Variants in RASAL2 observed in about 807,000 individuals in gnomAD.
RASAL2 encodes the protein RAS protein activator like 2, also known as ras GTPase-activating protein nGAP.
In RASAL2, 58 loss-of-function variants were observed where a neutral mutation model predicts 128.9. That is an observed-to-expected ratio of 0.45 (90% CI 0.36 to 0.56). The LOEUF (loss-of-function observed/expected upper bound fraction) is 0.56. Ranked by LOEUF, RASAL2 falls within the 20% of genes least tolerant of loss-of-function variation. The probability of loss-of-function intolerance (pLI) is 0.00; values close to 1 mark genes in which losing one functional copy is unlikely to be tolerated. For synonymous variants in RASAL2, 561 were observed against 580.8 expected (o/e 0.97, Z 0.49); for missense variants, 1,360 against 1,601.6 (o/e 0.85, Z 2.57).
intron 1 of RASAL2, among the ~76,000 whole-genome samples, chr1:178,221,954 C>T (rs1352922385): frequency 1.3e-5 from 2 of 152,142 alleles, no homozygotes; most frequent in Non-Finnish European, 2.9e-5. Context: ...TAAGTGCATA[C>T]ACATTAAGGA....
chr1:178,113,265 A>T (rs1380961748), intron 1 of RASAL2, among the ~76,000 whole-genome samples: 1 of 151,914 alleles, frequency 6.6e-6, no homozygotes, highest in African/African-American at 2.4e-5. Context: ...AATTGAGGTG[A>T]GATATACAAC....
At chr1:178,168,210 G>C (rs968264691) in intron 1 of RASAL2, among the ~76,000 whole-genome samples, 5 of 150,592 alleles carry the variant, frequency 3.3e-5, no homozygotes, top group African/African-American at 1.2e-4. Context: ...ATTTATTGAA[G>C]TTGAAATTGA....
chr1:178,378,276 G>A (rs1003494925), intron 3 of RASAL2, among the ~76,000 whole-genome samples: 1 of 151,182 alleles, frequency 6.6e-6, no homozygotes, highest in Non-Finnish European at 1.5e-5. Context: ...GAATAAAGGA[G>A]GTCCCTAAAT....
chr1:178,427,601 A>C (rs1675593114), intron 5 of RASAL2, among the ~76,000 whole-genome samples: 1 of 152,108 alleles, frequency 6.6e-6, no homozygotes, highest in Non-Finnish European at 1.5e-5. Context: ...TTTTATCTTG[A>C]AATTATATAA....
intron 9 of RASAL2, 118 bp downstream of exon 9, chr1:178,445,780 G>A (rs1218035926): frequency 9.2e-7 from 1 of 1,084,878 alleles, no homozygotes; most frequent in Non-Finnish European, 1.3e-6. Context: ...GCTGACTCAG[G>A]TGTTAAGGTT....
At chr1:178,204,571 T>C (rs980609373) in intron 1 of RASAL2, among the ~76,000 whole-genome samples, 2 of 152,258 alleles carry the variant, frequency 1.3e-5, no homozygotes, top group African/African-American at 4.8e-5. Flanking sequence ...AACTACTTGC[T>C]GATGTTGATG....
intron 3 of RASAL2, among the ~76,000 whole-genome samples, chr1:178,384,610 A>G (rs1429082357): frequency 6.6e-6 from 1 of 151,042 alleles, no homozygotes; most frequent in Non-Finnish European, 1.5e-5. Context: ...ATAGGCTGCA[A>G]GGAGCTGAGA....
intron 1 of RASAL2, among the ~76,000 whole-genome samples, chr1:178,258,647 C>T (rs1665504188): frequency 6.6e-6 from 1 of 152,080 alleles, no homozygotes; most frequent in Non-Finnish European, 1.5e-5. Flanking sequence ...AAATTTTAAC[C>T]CTTCTACATT....
intron 1 of RASAL2, among the ~76,000 whole-genome samples, chr1:178,159,997 G>A (rs1661222151): frequency 6.6e-6 from 1 of 151,046 alleles, no homozygotes; most frequent in Admixed American, 6.6e-5. Context: ...TTTCCAGTCA[G>A]CCTCTAGGAA....
At chr1:178,446,573 A>C (rs1044411267) in intron 9 of RASAL2, among the ~76,000 whole-genome samples, 1 of 152,206 alleles carries the variant, frequency 6.6e-6, no homozygotes, top group African/African-American at 2.4e-5. Context: ...ATCAGTGTGT[A>C]TTTCACATGT....
At chr1:178,398,324 T>C (rs1242652343) in intron 4 of RASAL2, among the ~76,000 whole-genome samples, 1 of 152,188 alleles carries the variant, frequency 6.6e-6, no homozygotes, top group Non-Finnish European at 1.5e-5. Flanking sequence ...TTTTGCAAAT[T>C]ATCAACAAAT....
At chr1:178,281,312 G>T (rs1666774165) in intron 1 of RASAL2, among the ~76,000 whole-genome samples, 1 of 151,762 alleles carries the variant, frequency 6.6e-6, no homozygotes, top group Non-Finnish European at 1.5e-5. Flanking sequence ...CACTAGAGGG[G>T]GATGGTTCGG....
chr1:178,154,357 C>T (rs1371702244), intron 1 of RASAL2, among the ~76,000 whole-genome samples: 1 of 152,004 alleles, frequency 6.6e-6, no homozygotes, highest in African/African-American at 2.4e-5. Context: ...CTGTGTTGTC[C>T]AGGCTGGTGT....
chr1:178,177,861 T>C (rs568228189), intron 1 of RASAL2, among the ~76,000 whole-genome samples: 2 of 152,320 alleles, frequency 1.3e-5, no homozygotes, highest in East Asian at 3.9e-4. Context: ...GTTCTGTAAA[T>C]AGTTTTTGTA....
intron 3 of RASAL2, among the ~76,000 whole-genome samples, chr1:178,360,051 A>G (rs1167518830): frequency 3.9e-5 from 6 of 152,312 alleles, no homozygotes; most frequent in Admixed American, 3.3e-4. Flanking sequence ...TATCACTGCT[A>G]GAAAGCTGAT....
rs1479391052 is a variant in RASAL2 at position 178,458,341 on chromosome 1, G to A, written c.3049G>A (p.Gly1017Ser). ...GQAQIRKVDQ[G>S]GLGARAKAPP... is the part of the protein sequence containing the mutation. The stretch of plus-strand genomic sequence containing the variant: ...GGCCCAGATCCGAAAAGTGGACCAG[G>A]GTGGGTTAGGTGCCCGAGCCAAAGC... The change falls in exon 14 of 18, where the codon GGT becomes AGT. Residue 1017 changes from glycine (G) to serine (S), a missense_variant. Gly to Ser is a moderately conservative substitution (Grantham distance 56). This residue lies in a region of RASAL2 where 741 missense variants were observed against 868.6 expected (regional missense o/e 0.85). Coordinates refer to ENST00000367649, the MANE Select transcript of RASAL2 (RefSeq NM_170692.4). 2 of 1,614,088 alleles carry A rather than the reference G, an allele frequency of 1.2e-6. No individual in the cohort carries two copies. The highest frequency in any genetic ancestry group is 2.2e-5 in the East Asian group (1 of 44,884).
intron 1 of RASAL2, among the ~76,000 whole-genome samples, chr1:178,135,064 C>T (rs538275873): frequency 1.3e-5 from 2 of 152,202 alleles, no homozygotes; most frequent in African/African-American, 2.4e-5. Flanking sequence ...TCATTCTTCT[C>T]ATCAAACAAG....
chr1:178,248,400 T>C (rs1437673922), intron 1 of RASAL2, among the ~76,000 whole-genome samples: 2 of 151,838 alleles, frequency 1.3e-5, no homozygotes, highest in Non-Finnish European at 2.9e-5. Context: ...ACCCTGCTTT[T>C]TTTGCTTTCC....
intron 3 of RASAL2, among the ~76,000 whole-genome samples, chr1:178,350,425 G>C (rs1257264025): frequency 6.6e-6 from 1 of 152,054 alleles, no homozygotes; most frequent in Non-Finnish European, 1.5e-5. Context: ...GTAGAGACAG[G>C]GTTTCGCCAT....
Sources: gnomAD v4.1 joint callset for allele counts (sites outside exome capture counted in the v4.1 genomes callset) on GRCh38, gnomAD v4.1.1 for gene constraint, gnomAD v4.1.1 regional missense constraint, MANE v1.5 for transcripts, NCBI Gene and HGNC (gene_info 2026-07-23, HGNC 2026-07-21) for gene names.